ZFYVE21: variants seen among roughly 807,000 people sequenced by gnomAD.
The protein encoded by ZFYVE21 is zinc finger FYVE domain-containing protein 21.
Under a neutral mutation model 29.5 loss-of-function variants are expected in ZFYVE21, and 21 were observed. The ratio of observed to expected loss-of-function variants is 0.71; its 90% CI spans 0.50 to 1.02. The LOEUF (loss-of-function observed/expected upper bound fraction) is 1.02. Ranked by LOEUF, ZFYVE21 falls within the 50% of genes least tolerant of loss-of-function variation. The pLI, the probability that ZFYVE21 is intolerant of heterozygous loss-of-function variation, is 0.00. For synonymous variants in ZFYVE21, 151 were observed against 133.8 expected, an observed-to-expected ratio of 1.13 and a Z score of -0.89; for missense variants, 326 against 335.4, an observed-to-expected ratio of 0.97 and a Z score of 0.22.
intron 1 of ZFYVE21, among the ~76,000 whole-genome samples, chr14:103,717,355 A>T (rs551687115): frequency 2.0e-5 from 3 of 152,344 alleles, no homozygotes; most frequent in African/African-American, 7.2e-5. Context: ...AATAGCACAG[A>T]AATACTCTAC....
Position 103,716,067 on chromosome 14 carries a change from C to G in ZFYVE21, c.138+88C>G. 8.8e-7 allele frequency: 1 copy of G among 1,132,338 alleles called. No individual in the cohort carries two copies. The highest frequency in any genetic ancestry group is 1.1e-6 in the Non-Finnish European group (1 of 918,958). The allele number at this position is 1,132,338 out of a possible 1,614,324, so 70.1% of individuals were successfully genotyped here. On this transcript the variant is annotated intron_variant, in intron 1 of 6. Transcript: ENST00000311141. The surrounding 1 kb of genome is among the most constrained non-coding windows in gnomAD (Gnocchi z 4.8). The stretch of plus-strand genomic sequence containing the variant: ...GGGCTTCCAGGCTCCCGCGACGACC[C>G]CTCCGCCTCCGGGCGGCCCCTTCCC...
intron 1 of ZFYVE21, among the ~76,000 whole-genome samples, chr14:103,720,115 C>T (rs937751734): frequency 6.6e-6 from 1 of 152,142 alleles, no homozygotes; most frequent in Non-Finnish European, 1.5e-5. Flanking sequence ...TTGATGTCCT[C>T]TCTCACACAC....
intron 3 of ZFYVE21, chr14:103,728,704 C>A: frequency 3.5e-6 from 2 of 578,518 alleles, no homozygotes; most frequent in South Asian, 4.2e-5. Context: ...CTGTCTAGAG[C>A]AGCGCCTTTG....
At position 103,715,946 on chromosome 14, in the gene ZFYVE21, C is replaced by T. The variant is rs1477263599; in HGVS notation, c.105C>T (p.Gly35=). ...ACCGCGCCTTCGGAAGCCCGTTCGG[C>T]CTGGAGGAGCCGCAGTGGGTCCCGG... The part of the protein sequence containing the change: ...PEHRAFGSPF[G]LEEPQWVPDK... Residue 35 remains glycine, a synonymous_variant, in exon 1 of 7, where the codon GGC becomes GGT. Coordinates refer to ENST00000311141, the MANE Select transcript of ZFYVE21 (RefSeq NM_024071.4). 2.1e-6 allele frequency: 3 copies of T among 1,413,040 alleles called. No individual in the cohort carries two copies. The highest frequency in any genetic ancestry group is 3.2e-5 in the East Asian group (1 of 30,888). The allele number at this position is 1,413,040 out of a possible 1,614,324, so 87.5% of individuals were successfully genotyped here. A position where few individuals can be genotyped will look rare whatever the true frequency, so the allele number is the denominator to read the frequency against.
intron 1 of ZFYVE21, among the ~76,000 whole-genome samples, chr14:103,718,897 G>A (rs2083850752): frequency 6.6e-6 from 1 of 152,244 alleles, no homozygotes; most frequent in South Asian, 2.1e-4. Context: ...CCTGGACTCG[G>A]ATGAGGAGAG....
chr14:103,722,448 G>A (rs2083881409), intron 1 of ZFYVE21, among the ~76,000 whole-genome samples: 1 of 145,318 alleles, frequency 6.9e-6, no homozygotes, highest in Non-Finnish European at 1.5e-5. Flanking sequence ...TCGACCTCCT[G>A]GGCTCAAGCT....
Position 103,729,134 on chromosome 14 carries a change from G to T in ZFYVE21, c.478G>T (p.Val160Leu), listed in dbSNP as rs1247855038. Residue 160 changes from valine to leucine, a missense_variant, in exon 5 of 7, where the codon GTA becomes TTA. Transcript: ENST00000311141. ...AGACAGCCACTATGAAATCGAAATT[G>T]TACACATTTCCACCGTGCAGATCCT... is the stretch of plus-strand genomic sequence containing the variant. ...DGDSHYEIEI[V>L]HISTVQILTE... 2 of 1,614,060 alleles carry T rather than the reference G, an allele frequency of 1.2e-6. No individual in the cohort carries two copies. The highest frequency in any genetic ancestry group is 1.7e-6 in the Non-Finnish European group (2 of 1,180,038).
At position 103,727,745 on chromosome 14, in the gene ZFYVE21, G is replaced by A; in HGVS notation, c.190-1G>A. On this transcript the variant is annotated splice_acceptor_variant, in intron 2 of 6. Coordinates refer to ENST00000311141, the MANE Select transcript of ZFYVE21 (RefSeq NM_024071.4). LOFTEE classifies it high-confidence loss of function. ...CTGCCAATCCTCCCGCATCTGCCCA[G>A]CACCACTGTCGCCGCTGCGGGAAGT... 3.1e-6 allele frequency: 5 copies of A among 1,606,150 alleles called. No individual in the cohort carries two copies. The highest frequency in any genetic ancestry group is 4.2e-6 in the Non-Finnish European group (5 of 1,179,440).
Position 103,728,950 on chromosome 14 carries a change from A to G in ZFYVE21, c.401A>G (p.Glu134Gly). The change falls in exon 4 of 7, where the codon GAA (glutamate) becomes GGA (glycine). Residue 134 changes from glutamate to glycine, a missense_variant. Coordinates refer to ENST00000311141, the MANE Select transcript of ZFYVE21 (RefSeq NM_024071.4). ...LVTFGNSEKP[E>G]TMTCRLSNNQ... ...ACGTTTGGAAACTCAGAGAAACCTG[A>G]AACTATGACTTGTCGTCTTTCCAAT... The G allele has an allele frequency of 3.1e-6, 5 of 1,614,062 alleles. No homozygotes were observed. The highest frequency in any genetic ancestry group is 4.2e-6 in the Non-Finnish European group (5 of 1,180,022).
Position 103,732,776 on chromosome 14 carries a change from G to A in ZFYVE21, c.669+14G>A, listed in dbSNP as rs1288483420. ...GCCATGCACAAGGTACCTGAGCCCA[G>A]GCCAGGGAGGCTGGGCCCTTTGGCT... On this transcript the variant is annotated intron_variant, in intron 6 of 6. Coordinates refer to ENST00000311141, the MANE Select transcript of ZFYVE21 (RefSeq NM_024071.4). The A allele has an allele frequency of 1.2e-6, 2 of 1,609,496 alleles. No homozygotes were observed. Among genetic ancestry groups the A allele is most frequent in the African/African-American group, 2.7e-5 (2 of 74,624 alleles).
At chr14:103,718,953 G>A (rs899070620) in intron 1 of ZFYVE21, among the ~76,000 whole-genome samples, 3 of 152,198 alleles carry the variant, frequency 2.0e-5, no homozygotes, top group African/African-American at 7.2e-5. Flanking sequence ...GCTGTGCAGC[G>A]GGGAGAACAG....
At chr14:103,719,026 A>G (rs1436283429) in intron 1 of ZFYVE21, among the ~76,000 whole-genome samples, 2 of 152,092 alleles carry the variant, frequency 1.3e-5, no homozygotes, top group Non-Finnish European at 2.9e-5. Flanking sequence ...TTTTGCAGGG[A>G]GGAGTGGCCA....
chr14:103,728,973 A>C lies in ZFYVE21; in HGVS notation c.424A>C (p.Asn142His). 6.2e-7 allele frequency: 1 copy of C among 1,613,994 alleles called. No individual in the cohort carries two copies. The highest frequency in any genetic ancestry group is 8.5e-7 in the Non-Finnish European group (1 of 1,180,002). ...KPETMTCRLS[N>H]NQRYLFLDGD... Reference sequence around the variant, plus strand: ...TGAAACTATGACTTGTCGTCTTTCCAATAACCAGAGGTAAGAGCCGGATCC... The same window carrying C: ...TGAAACTATGACTTGTCGTCTTTCCCATAACCAGAGGTAAGAGCCGGATCC... Residue 142 changes from asparagine to histidine, a missense_variant, in exon 4 of 7, where the codon AAT (asparagine) becomes CAT (histidine). By Grantham distance (68) the Asn-to-His change is moderately conservative. Coordinates refer to ENST00000311141, the MANE Select transcript of ZFYVE21 (RefSeq NM_024071.4).
At chr14:103,721,510 C>T (rs561943376) in intron 1 of ZFYVE21, among the ~76,000 whole-genome samples, 3 of 152,378 alleles carry the variant, frequency 2.0e-5, no homozygotes, top group Non-Finnish European at 4.4e-5. Flanking sequence ...TGGGCCGAGG[C>T]TGCCTCTGTG....
intron 3 of ZFYVE21, chr14:103,728,205 C>A (rs2083946340): frequency 3.0e-6 from 1 of 336,158 alleles, no homozygotes; most frequent in East Asian, 6.7e-5. Context: ...CCGGGTGGAA[C>A]CCGGCGCCGG....
In ZFYVE21 at chr14:103,728,842, C is replaced by G. The variant is rs1024156553; in HGVS notation, c.359-66C>G. 3.3e-6 allele frequency: 5 copies of G among 1,514,640 alleles called. No homozygotes were observed. In the African/African-American group the frequency reaches 6.9e-5, roughly 21 times the overall value. The allele number at this position is 1,514,640 out of a possible 1,614,324, so 93.8% of individuals were successfully genotyped here. On this transcript the variant is annotated intron_variant, in intron 3 of 6. Transcript: ENST00000311141. ...TCTGTGCGTGCGTCTCCTACTGGTA[C>G]TCGTGGGAAGGGTTAGGTGGAAAAG...
Position 103,732,602 on chromosome 14 carries a change from C to G in ZFYVE21, c.527-18C>G. The G allele has an allele frequency of 6.5e-7, 1 of 1,550,346 alleles. No individual in the cohort carries two copies. Among genetic ancestry groups the G allele is most frequent in the Non-Finnish European group, 8.7e-7 (1 of 1,150,888 alleles). ...CAGGGCCTCCTTTGGGCCGTCTTAC[C>G]TCGTCTCTCTCCTCCAGGAGGCAAC... On this transcript the variant is annotated intron_variant, in intron 5 of 6. Coordinates refer to ENST00000311141, the MANE Select transcript of ZFYVE21 (RefSeq NM_024071.4).
At chr14:103,729,419 G>A (rs189356261) in intron 5 of ZFYVE21, 7 of 579,198 alleles carry the variant, frequency 1.2e-5, no homozygotes, top group African/African-American at 1.1e-4. Flanking sequence ...GCCTCAGCAT[G>A]TCATAATGAT....
chr14:103,732,608 T>C lies in ZFYVE21; in HGVS notation c.527-12T>C, dbSNP rs1205151428. On this transcript the variant is annotated splice_polypyrimidine_tract_variant and intron_variant, in intron 5 of 6. Coordinates refer to ENST00000311141, the MANE Select transcript of ZFYVE21 (RefSeq NM_024071.4). ...CTCCTTTGGGCCGTCTTACCTCGTCTCTCTCCTCCAGGAGGCAACGCACGG... is the reference window on the plus strand; with the variant it reads ...CTCCTTTGGGCCGTCTTACCTCGTCCCTCTCCTCCAGGAGGCAACGCACGG... 2 of 1,556,284 alleles carry C rather than the reference T, an allele frequency of 1.3e-6. No homozygotes were observed. The highest frequency in any genetic ancestry group is 1.7e-4 in the Middle Eastern group (1 of 5,844).
Sources: allele counts gnomAD v4.1 joint callset (sites outside exome capture counted in the v4.1 genomes callset), GRCh38; gene constraint gnomAD v4.1.1; non-coding constraint Gnocchi (gnomAD v3.1); transcripts MANE v1.5; gene names NCBI Gene and HGNC (gene_info 2026-07-23, HGNC 2026-07-21).